Variants in PDGFRL observed in about 807,000 individuals in gnomAD.
PDGFRL encodes platelet derived growth factor receptor like.
A neutral mutation model predicts 37.2 loss-of-function variants in PDGFRL; 46 were observed. That is an observed-to-expected ratio of 1.24 (90% CI 0.98 to 1.58). PDGFRL has a LOEUF of 1.58. PDGFRL is among the 40% of genes most tolerant of loss of function. The probability of loss-of-function intolerance (pLI) is 0.00; values close to 1 mark genes in which losing one functional copy is unlikely to be tolerated. For missense variants in PDGFRL, 692 were observed against 467.6 expected (o/e 1.48, Z -4.43); for synonymous variants, 251 against 184.3 (o/e 1.36, Z -2.93).
intron 5 of PDGFRL, among the ~76,000 whole-genome samples, chr8:17,640,101 C>T (rs1267505100): frequency 1.3e-5 from 2 of 152,152 alleles, no homozygotes; most frequent in African/African-American, 2.4e-5. Context: ...TTGCATTTCT[C>T]TAAGTGTGTT....
chr8:17,596,073 C>A (rs1804046161), intron 2 of PDGFRL, among the ~76,000 whole-genome samples: 1 of 152,164 alleles, frequency 6.6e-6, no homozygotes. Flanking sequence ...CAGCTGGCAG[C>A]CAATGGGAAG....
intron 3 of PDGFRL, among the ~76,000 whole-genome samples, chr8:17,622,958 G>T (rs1804662077): frequency 6.6e-6 from 1 of 152,120 alleles, no homozygotes; most frequent in South Asian, 2.1e-4. Flanking sequence ...GTATGTTTAG[G>T]CAAGACCCCT....
intron 2 of PDGFRL, among the ~76,000 whole-genome samples, chr8:17,618,724 T>C (rs1437432339): frequency 1.3e-5 from 2 of 152,196 alleles, no homozygotes; most frequent in Non-Finnish European, 2.9e-5. Context: ...AATTCGCTCA[T>C]GTTTAGGGAG....
chr8:17,600,587 G>A (rs1309153003), intron 2 of PDGFRL, among the ~76,000 whole-genome samples: 1 of 151,758 alleles, frequency 6.6e-6, no homozygotes, highest in Non-Finnish European at 1.5e-5. Context: ...ATCACTTGAG[G>A]CCAGGACTTT....
chr8:17,610,548 T>G (rs1289311883), intron 2 of PDGFRL, among the ~76,000 whole-genome samples: 1 of 152,166 alleles, frequency 6.6e-6, no homozygotes, highest in Non-Finnish European at 1.5e-5. Context: ...ATTCTCAACC[T>G]GTAGTGTGAG....
At chr8:17,582,824 A>C (rs1452797415) in intron 1 of PDGFRL, among the ~76,000 whole-genome samples, 1 of 152,092 alleles carries the variant, frequency 6.6e-6, no homozygotes, top group Non-Finnish European at 1.5e-5. Context: ...CATTTTGGAA[A>C]TCTTTGAGGA....
chr8:17,594,100 T>C (rs1804000539), intron 2 of PDGFRL, among the ~76,000 whole-genome samples: 1 of 151,132 alleles, frequency 6.6e-6, no homozygotes, highest in African/African-American at 2.4e-5. Context: ...GTACCCCATA[T>C]AAATGGAACA....
At chr8:17,601,662 C>G (rs1804169230) in intron 2 of PDGFRL, among the ~76,000 whole-genome samples, 1 of 152,062 alleles carries the variant, frequency 6.6e-6, no homozygotes, top group Non-Finnish European at 1.5e-5. Flanking sequence ...TAATTCCTGT[C>G]TTTGTGTCGA....
intron 2 of PDGFRL, among the ~76,000 whole-genome samples, chr8:17,592,532 C>T (rs916064200): frequency 6.6e-6 from 1 of 152,210 alleles, no homozygotes; most frequent in South Asian, 2.1e-4. Context: ...CCTCTGCCGT[C>T]CTCTGGAGTC....
Position 17,582,833 on chromosome 8 carries a change from G to A in PDGFRL, c.55+5526G>A, listed in dbSNP as rs147652003. Among the ~76,000 whole-genome samples the A allele has an allele frequency of 1.5e-3, 221 of 152,200 alleles. 1 individual carries two copies. Among genetic ancestry groups the A allele is most frequent in the African/African-American group, 5.2e-3 (215 of 41,508 alleles). Reference sequence around the variant, plus strand: ...TATAGCCATTTTGGAAATCTTTGAGGAGCCCCTCCCATCCCAGGCCCAGAG... The same window carrying A: ...TATAGCCATTTTGGAAATCTTTGAGAAGCCCCTCCCATCCCAGGCCCAGAG... On this transcript the variant is annotated intron_variant, in intron 1 of 5. Transcript: ENST00000251630.
chr8:17,628,913 G>GTT, intron 4 of PDGFRL, 133 bp downstream of exon 4: 4 of 625,370 alleles, frequency 6.4e-6, no homozygotes, highest in South Asian at 2.1e-5. Flanking sequence ...GGTTGTTGTT[G>GTT]TTTTTTTTTC....
At position 17,642,688 on chromosome 8, in the gene PDGFRL, C is replaced by T. The variant is rs775655921; in HGVS notation, c.1015C>T (p.Gln339Ter). 3 of 1,602,388 alleles carry T rather than the reference C, an allele frequency of 1.9e-6. No homozygotes were observed. The East Asian group carries it at 6.7e-5, about 36-fold the overall frequency. Residue 339 changes from glutamine to a stop codon, truncating the protein, a stop_gained, in exon 6 of 6, where the codon CAG becomes TAG. Transcript: ENST00000251630. LOFTEE classifies it high-confidence loss of function. ...RGLGHTTRISQSVITVEDFET... is the reference protein window; with the variant it reads ...RGLGHTTRIS ...ACTGGGACACACCACGAGAATCTCC[C>T]AGAGTGTCATTACAGTGGAAGACTT...
At chr8:17,605,552 C>T (rs534334004) in intron 2 of PDGFRL, among the ~76,000 whole-genome samples, 19 of 152,082 alleles carry the variant, frequency 1.2e-4, no homozygotes, top group African/African-American at 4.1e-4. Flanking sequence ...CTTGGCACCG[C>T]GCTGAGCCAG....
chr8:17,577,410 C>T, intron 1 of PDGFRL, 103 bp downstream of exon 1: 1 of 992,642 alleles, frequency 1.0e-6, no homozygotes, highest in Non-Finnish European at 1.6e-6. Context: ...AACGTTCGGC[C>T]CTCGGTGGCT....
chr8:17,598,132 C>T (rs1415786668), intron 2 of PDGFRL, among the ~76,000 whole-genome samples: 2 of 152,036 alleles, frequency 1.3e-5, no homozygotes, highest in African/African-American at 4.8e-5. Flanking sequence ...AATGTCTTAT[C>T]CTATATGTTT....
chr8:17,614,342 G>A (rs189977499), intron 2 of PDGFRL, among the ~76,000 whole-genome samples: 1 of 152,086 alleles, frequency 6.6e-6, no homozygotes, highest in Non-Finnish European at 1.5e-5. Flanking sequence ...CTGTTTCCCA[G>A]GATCTGTACT....
At chr8:17,598,761 G>A (rs144099903) in intron 2 of PDGFRL, among the ~76,000 whole-genome samples, 52 of 152,304 alleles carry the variant, frequency 3.4e-4, no homozygotes, top group African/African-American at 1.1e-3. Flanking sequence ...GAGGGGCCCA[G>A]TGGGAGATAA....
At chr8:17,633,729 C>G (rs1300327613) in intron 4 of PDGFRL, among the ~76,000 whole-genome samples, 1 of 152,166 alleles carries the variant, frequency 6.6e-6, no homozygotes, top group Non-Finnish European at 1.5e-5. Context: ...ACACCACCAC[C>G]CAGTACTTCC....
chr8:17,614,602 A>C (rs1804486699), intron 2 of PDGFRL, among the ~76,000 whole-genome samples: 1 of 152,196 alleles, frequency 6.6e-6, no homozygotes, highest in Non-Finnish European at 1.5e-5. Context: ...GTTTAGAGAC[A>C]AGGTCTCCCT....
Sources: allele counts gnomAD v4.1 joint callset (sites outside exome capture counted in the v4.1 genomes callset), GRCh38; gene constraint gnomAD v4.1.1; transcripts MANE v1.5; gene names NCBI Gene and HGNC (gene_info 2026-07-23, HGNC 2026-07-21).